Variants in USP18 observed in about 807,000 individuals in gnomAD.
USP18 encodes the protein ubiquitin specific peptidase 18.
A neutral mutation model predicts 48.7 loss-of-function variants in USP18; 11 were observed. The ratio of observed to expected loss-of-function variants is 0.23; its 90% CI spans 0.14 to 0.37. The LOEUF (loss-of-function observed/expected upper bound fraction) is 0.37, where lower values mean the gene tolerates loss of function less well. Ranked by LOEUF, USP18 falls within the 10% of genes least tolerant of loss-of-function variation. The probability of loss-of-function intolerance (pLI) is 1.00; values close to 1 mark genes in which losing one functional copy is unlikely to be tolerated. For synonymous variants in USP18, 114 were observed against 163.2 expected (o/e 0.70, Z 2.30); for missense variants, 285 against 436.4 (o/e 0.65, Z 3.09).
intron 1 of USP18, among the ~76,000 whole-genome samples, chr22:18,151,927 G>T (rs896983266): frequency 1.3e-5 from 2 of 152,146 alleles, no homozygotes; most frequent in African/African-American, 4.8e-5. Context: ...GGCGGCAGGC[G>T]CCTGTAGTCC....
At chr22:18,163,459 C>T (rs140564305) in intron 4 of USP18, among the ~76,000 whole-genome samples, 1,645 of 151,972 alleles carry the variant, frequency 0.011, 24 homozygotes, top group East Asian at 0.038. Context: ...CTGGCTAACA[C>T]GGTGAAACCC....
chr22:18,156,517 A>G (rs1929145626), intron 1 of USP18, among the ~76,000 whole-genome samples: 1 of 151,598 alleles, frequency 6.6e-6, no homozygotes, highest in East Asian at 1.9e-4. Context: ...AAGACCACAA[A>G]CCAACCAGGA....
chr22:18,174,001 G>A (rs1388672879), intron 10 of USP18, among the ~76,000 whole-genome samples, 159 bp downstream of exon 10: 1 of 151,862 alleles, frequency 6.6e-6, no homozygotes, highest in Non-Finnish European at 1.5e-5. Flanking sequence ...TGCCTCACAC[G>A]TCACACTCCA....
chr22:18,157,480 C>T, intron 1 of USP18, 78 bp from the exon 2 acceptor site: 1 of 750,630 alleles, frequency 1.3e-6, no homozygotes, highest in South Asian at 1.7e-5. Context: ...AAGACCTGCT[C>T]TTTGGCATCA....
chr22:18,155,287 CAG>C (rs1254502090), intron 1 of USP18, among the ~76,000 whole-genome samples: 1 of 152,212 alleles, frequency 6.6e-6, no homozygotes, highest in Non-Finnish European at 1.5e-5. Context: ...GGTCTAGTAT[CAG>C]GGTGATGAGG....
In USP18 at chr22:18,157,657, A is replaced by G. The variant is rs1324427699; in HGVS notation, c.-7A>G. 3.7e-6 allele frequency: 6 copies of G among 1,613,868 alleles called. No individual in the cohort carries two copies. The highest frequency in any genetic ancestry group is 4.2e-6 in the Non-Finnish European group (5 of 1,179,964). On this transcript the variant is annotated 5_prime_UTR_variant, in exon 2 of 11. Transcript: ENST00000215794. ...GCTGCGGCCTGGGGGTTTTGGAGTG[A>G]TCACGAATGAGCAAGGCGTTTGGGC...
rs1929691647 is a variant in USP18, at chr22:18,173,382, T to C, written c.1023+101T>C. 4 of 1,526,470 alleles carry C rather than the reference T, an allele frequency of 2.6e-6. No individual in the cohort carries two copies. In the Admixed American group the frequency reaches 6.0e-5, roughly 23 times the overall value. The allele number at this position is 1,526,470 out of a possible 1,614,324, so 94.6% of individuals were successfully genotyped here. A position where few individuals can be genotyped will look rare whatever the true frequency, so the allele number is the denominator to read the frequency against. ...GGGTCTCTGAGATCAAGACACACTG[T>C]GATCCTGCTGTCTGGGTGTGGGGCC... On this transcript the variant is annotated intron_variant, in intron 9 of 10. Transcript: ENST00000215794.
chr22:18,150,336 A>C (rs1213875613), intron 1 of USP18, 114 bp downstream of exon 1: 2 of 152,246 alleles, frequency 1.3e-5, no homozygotes, highest in African/African-American at 4.8e-5. Flanking sequence ...GCAAATTATG[A>C]TAGTGATCTG....
At chr22:18,168,510 C>T (rs1157243335) in intron 6 of USP18, among the ~76,000 whole-genome samples, 1 of 152,144 alleles carries the variant, frequency 6.6e-6, no homozygotes, top group Non-Finnish European at 1.5e-5. Flanking sequence ...ATTCTCCTGC[C>T]TCAGCCTCCC....
chr22:18,167,216 A>T, intron 4 of USP18, 39 bp from the exon 5 acceptor site: 1 of 1,611,136 alleles, frequency 6.2e-7, no homozygotes, highest in Non-Finnish European at 8.5e-7. Context: ...GCGACTCTGA[A>T]GACCTCACTA....
At chr22:18,170,553 G>C (rs1417949923) in intron 7 of USP18, among the ~76,000 whole-genome samples, 200 bp from the exon 8 acceptor site, 3 of 150,770 alleles carry the variant, frequency 2.0e-5, no homozygotes, top group Admixed American at 6.6e-5. Flanking sequence ...TGCCTCTTGT[G>C]GGGGGCCACA....
In USP18 at chr22:18,167,932, T is replaced by C; in HGVS notation, c.523T>C (p.Ser175Pro). 6.2e-7 allele frequency: 1 copy of C among 1,614,046 alleles called. No individual in the cohort carries two copies. Among genetic ancestry groups the C allele is most frequent in the Non-Finnish European group, 8.5e-7 (1 of 1,180,020 alleles). ...QALYTIRVKD[S>P]LICVDCAMES... ...CCTGTATACGATCCGGGTGAAGGAC[T>C]CCTTGATTTGCGTTGACTGTGCCAT... Residue 175 changes from serine (S) to proline (P), a missense_variant, in exon 6 of 11, where the codon TCC becomes CCC. This residue lies in a region of USP18 where 199 missense variants were observed against 239.6 expected (regional missense o/e 0.83). Coordinates refer to ENST00000215794, the MANE Select transcript of USP18 (RefSeq NM_017414.4).
chr22:18,152,639 T>A (rs547265587), intron 1 of USP18, among the ~76,000 whole-genome samples: 1 of 151,994 alleles, frequency 6.6e-6, no homozygotes, highest in Admixed American at 6.6e-5. Context: ...CCCAGGCTGT[T>A]TTCTCTGGTG....
chr22:18,157,438 G>C lies in USP18; in HGVS notation c.-106-120G>C, dbSNP rs900903247. The stretch of plus-strand genomic sequence containing the variant: ...TGTCATTTCCAGCCTAGAGCTCTAT[G>C]AGTCAGTCTCCCCAAACATTTATCT... On this transcript the variant is annotated intron_variant, in intron 1 of 10. Coordinates refer to ENST00000215794, the MANE Select transcript of USP18 (RefSeq NM_017414.4). 1.1e-5 allele frequency: 6 copies of C among 552,760 alleles called. No homozygotes were observed. The African/African-American group carries it at 1.1e-4, about 10-fold the overall frequency. The allele number at this position is 552,760 out of a possible 1,614,324, so 34.2% of individuals were successfully genotyped here. A position where few individuals can be genotyped will look rare whatever the true frequency, so the allele number is the denominator to read the frequency against.
intron 8 of USP18, among the ~76,000 whole-genome samples, chr22:18,171,427 C>T (rs1459368473): frequency 3.5e-5 from 5 of 141,136 alleles, no homozygotes; most frequent in African/African-American, 8.3e-5. Flanking sequence ...CCCAGGAGTT[C>T]GAGACCAGCT....
chr22:18,153,653 G>A (rs1438089027), intron 1 of USP18, among the ~76,000 whole-genome samples: 1 of 152,034 alleles, frequency 6.6e-6, no homozygotes, highest in Non-Finnish European at 1.5e-5. Flanking sequence ...ATGCTATGTT[G>A]CCTAGACTGG....
chr22:18,157,411 G>C, intron 1 of USP18, 147 bp from the exon 2 acceptor site: 3 of 444,350 alleles, frequency 6.8e-6, no homozygotes, highest in Non-Finnish European at 1.2e-5. Context: ...GTGTAGCCTA[G>C]CTGTCATTTC....
chr22:18,161,960 C>T, intron 4 of USP18, 25 bp downstream of exon 4: 1 of 1,593,656 alleles, frequency 6.3e-7, no homozygotes, highest in Non-Finnish European at 8.6e-7. Flanking sequence ...CACTGGGCTC[C>T]TGGCTGCTGA....
At chr22:18,154,622 T>G (rs2909513) in intron 1 of USP18, among the ~76,000 whole-genome samples, 2 of 151,824 alleles carry the variant, frequency 1.3e-5, no homozygotes, top group African/African-American at 4.8e-5. Context: ...AAATTTTTTT[T>G]TAGAGATGGG....
Sources: gnomAD v4.1 joint callset for allele counts (sites outside exome capture counted in the v4.1 genomes callset) on GRCh38, gnomAD v4.1.1 for gene constraint, gnomAD v4.1.1 regional missense constraint, MANE v1.5 for transcripts, NCBI Gene and HGNC (gene_info 2026-07-23, HGNC 2026-07-21) for gene names.